DNM3: variants seen among roughly 807,000 people sequenced by gnomAD.
The protein encoded by DNM3 is dynamin 3.
Under a neutral mutation model 101.6 loss-of-function variants are expected in DNM3, and 47 were observed. The ratio of observed to expected loss-of-function variants is 0.46; its 90% confidence interval spans 0.37 to 0.59. The LOEUF is 0.59. Ranked by LOEUF, DNM3 falls within the 20% of genes least tolerant of loss-of-function variation. The pLI is 0.00. For missense variants in DNM3, 849 were observed against 1,085.7 expected (o/e 0.78, Z 3.06); for synonymous variants, 385 against 387.9 (o/e 0.99, Z 0.09).
chr1:172,354,088 GGT>G (rs768549406), intron 17 of DNM3, among the ~76,000 whole-genome samples: 2,448 of 123,070 alleles, frequency 0.02, 95 homozygotes, highest in African/African-American at 0.073. Context: ...AAGGTGTTGG[GGT>G]GTGTGTGTGT....
At chr1:172,089,125 A>T (rs2053733405) in intron 12 of DNM3, among the ~76,000 whole-genome samples, 3 of 152,236 alleles carry the variant, frequency 2.0e-5, no homozygotes, top group African/African-American at 7.2e-5. Context: ...TCCCACATTT[A>T]AAACAGAAGC....
At chr1:172,321,155 A>T (rs1380561055) in intron 16 of DNM3, among the ~76,000 whole-genome samples, 1 of 152,210 alleles carries the variant, frequency 6.6e-6, no homozygotes, top group Non-Finnish European at 1.5e-5. Context: ...CTCTTGGACA[A>T]ACTCTGAAAG....
intron 1 of DNM3, among the ~76,000 whole-genome samples, chr1:171,873,928 A>G (rs2035526386): frequency 1.3e-5 from 2 of 152,210 alleles, no homozygotes; most frequent in East Asian, 3.8e-4. Context: ...CTGATATGAC[A>G]TTATTACAGT....
chr1:172,092,830 G>A lies in DNM3; in HGVS notation c.1500G>A (p.Gln500=). The change falls in exon 13 of 21, where the codon CAG becomes CAA. Residue 500 remains glutamine (Q), a synonymous_variant. Coordinates refer to ENST00000627582, the MANE Select transcript of DNM3 (RefSeq NM_015569.5). ...TTTCCTTTGCTTTTCTCAGTGCTCA[G>A]CAGAGGAGCAGTCAGGTTCACAAGA... is the stretch of plus-strand genomic sequence containing the variant. ...HEDFIGFANA[Q]QRSSQVHKKT... is the part of the protein sequence containing the mutation. 1 of 1,557,868 alleles carries A rather than the reference G, an allele frequency of 6.4e-7. No individual in the cohort carries two copies. Among genetic ancestry groups the A allele is most frequent in the Non-Finnish European group, 8.7e-7 (1 of 1,149,822 alleles).
chr1:172,135,866 G>T (rs1244666150), intron 14 of DNM3, among the ~76,000 whole-genome samples: 1 of 151,996 alleles, frequency 6.6e-6, no homozygotes, highest in East Asian at 1.9e-4. Context: ...AAACCAATGA[G>T]AAATTTGTTT....
At chr1:172,125,181 G>A (rs114787202) in intron 13 of DNM3, among the ~76,000 whole-genome samples, 2,189 of 152,066 alleles carry the variant, frequency 0.014, 26 homozygotes, top group Middle Eastern at 0.031. Flanking sequence ...ACTATCTAAC[G>A]GTGCATGGAT....
intron 4 of DNM3, among the ~76,000 whole-genome samples, chr1:172,028,561 T>C (rs371035328): frequency 6.6e-6 from 1 of 151,842 alleles, no homozygotes; most frequent in South Asian, 2.1e-4. Context: ...AAGAAATAAC[T>C]AGGATAAGAG....
intron 1 of DNM3, among the ~76,000 whole-genome samples, chr1:171,898,063 G>C (rs561006500): frequency 6.6e-6 from 1 of 152,170 alleles, no homozygotes; most frequent in African/African-American, 2.4e-5. Flanking sequence ...TGATGCTGTG[G>C]CATGTAGACC....
chr1:172,156,496 T>G (rs1296035107), intron 14 of DNM3, among the ~76,000 whole-genome samples: 1 of 152,102 alleles, frequency 6.6e-6, no homozygotes, highest in Non-Finnish European at 1.5e-5. Context: ...AGGATGTTTT[T>G]CTTACCTAAT....
At chr1:171,998,407 C>A (rs947309912) in intron 4 of DNM3, among the ~76,000 whole-genome samples, 11 of 152,262 alleles carry the variant, frequency 7.2e-5, no homozygotes, top group African/African-American at 2.4e-4. Context: ...ACTCAGTGAG[C>A]ATTGTCTTCA....
In DNM3 at chr1:172,408,556, T is replaced by C; in HGVS notation, c.*715T>C. On this transcript the variant is annotated 3_prime_UTR_variant, in exon 21 of 21. Transcript: ENST00000627582. ...TCAGTCAATAAATTTGGCTAATTAG[T>C]TTCAGAGTTCAAGGAAGAAGCAAAA... The C allele has an allele frequency of 2.0e-6, 2 of 985,336 alleles. No homozygotes were observed. The highest frequency in any genetic ancestry group is 1.2e-6 in the Non-Finnish European group (1 of 829,866). 61.0% of individuals were successfully genotyped at this position (985,336 alleles called of 1,614,324 possible).
intron 11 of DNM3, among the ~76,000 whole-genome samples, chr1:172,079,131 G>A (rs890918155): frequency 6.6e-6 from 1 of 152,100 alleles, no homozygotes; most frequent in Non-Finnish European, 1.5e-5. Flanking sequence ...TCTTTGTGGT[G>A]TTTTCTGTAT....
At chr1:172,191,414 T>C (rs1572890429) in intron 14 of DNM3, among the ~76,000 whole-genome samples, 1 of 152,222 alleles carries the variant, frequency 6.6e-6, no homozygotes, top group African/African-American at 2.4e-5. Context: ...TTTTGGTTAC[T>C]GTAGCCTTGT....
rs1197222567 is a variant in DNM3, at chr1:172,409,593, G to A, written c.*1752G>A. On this transcript the variant is annotated 3_prime_UTR_variant, in exon 21 of 21. Transcript: ENST00000627582. ...TATCTCACCCCAAACCCCAAACTGG[G>A]GGAAAAAAAGTTAACTCTTTGTGAA... 9.1e-6 allele frequency: 9 copies of A among 985,126 alleles called. No individual in the cohort carries two copies. Among genetic ancestry groups the A allele is most frequent in the Middle Eastern group, 5.2e-4 (1 of 1,936 alleles). The allele number at this position is 985,126 out of a possible 1,614,324, so 61.0% of individuals were successfully genotyped here.
At chr1:171,922,197 A>G (rs1458833936) in intron 2 of DNM3, among the ~76,000 whole-genome samples, 1 of 151,886 alleles carries the variant, frequency 6.6e-6, no homozygotes, top group Non-Finnish European at 1.5e-5. Flanking sequence ...TAACTCATAA[A>G]ATTCAACAAC....
At chr1:172,315,004 C>T (rs544905549) in intron 16 of DNM3, among the ~76,000 whole-genome samples, 2 of 152,162 alleles carry the variant, frequency 1.3e-5, no homozygotes, top group Non-Finnish European at 2.9e-5. Flanking sequence ...TAGGGGCAGA[C>T]TGACACCTCA....
intron 13 of DNM3, among the ~76,000 whole-genome samples, chr1:172,117,279 T>C (rs2055977919): frequency 6.6e-6 from 1 of 152,122 alleles, no homozygotes; most frequent in South Asian, 2.1e-4. Context: ...CGGCATTTTT[T>C]TTTAAAATGT....
At chr1:172,027,999 A>G (rs1224672287) in intron 4 of DNM3, among the ~76,000 whole-genome samples, 1 of 152,030 alleles carries the variant, frequency 6.6e-6, no homozygotes, top group Non-Finnish European at 1.5e-5. Context: ...CCTACTGCCA[A>G]TATTAGGTCA....
chr1:171,889,256 C>T (rs568308166), intron 1 of DNM3, among the ~76,000 whole-genome samples: 38 of 152,138 alleles, frequency 2.5e-4, no homozygotes, highest in Admixed American at 2.3e-3. Context: ...TGAGATTACA[C>T]GTGTGAGCCA....
Sources: gnomAD v4.1 joint callset for allele counts (sites outside exome capture counted in the v4.1 genomes callset) on GRCh38, gnomAD v4.1.1 for gene constraint, MANE v1.5 for transcripts, NCBI Gene and HGNC (gene_info 2026-07-23, HGNC 2026-07-21) for gene names.